The following FRMPD4 variants were observed in gnomAD, a reference collection of about 807,000 sequenced individuals.
The protein encoded by FRMPD4 is FERM and PDZ domain containing 4.
In FRMPD4, 22 loss-of-function variants were observed where a neutral mutation model predicts 94.1. That is an observed-to-expected ratio of 0.23 (90% CI 0.17 to 0.33). The LOEUF is 0.33. FRMPD4 is among the 10% of genes least tolerant of loss of function. FRMPD4 has a pLI of 1.00. For missense variants in FRMPD4, 1,111 were observed against 1,339.9 expected, an observed-to-expected ratio of 0.83 and a Z score of 2.67; for synonymous variants, 631 against 548.6, an observed-to-expected ratio of 1.15 and a Z score of -2.10.
chrX:12,437,357 CT>C lies in FRMPD4; in HGVS notation c.42-61318del, dbSNP rs754471755. Reference sequence around the variant, plus strand: ...ACACACACACACAAACACACACACACTTTTTCCAGGTAGTATTTATTTAGAT... The same window carrying C: ...ACACACACACACAAACACACACACACTTTTCCAGGTAGTATTTATTTAGAT... On this transcript the variant is annotated intron_variant, in intron 1 of 16. Coordinates refer to ENST00000675598, the MANE Select transcript of FRMPD4 (RefSeq NM_001368397.1). Among the ~76,000 whole-genome samples the C allele has an allele frequency of 8.1e-5, 9 of 111,621 alleles. No homozygotes were observed. In the East Asian group the frequency reaches 1.7e-3, roughly 21 times the overall value.
In FRMPD4 at chrX:11,978,321, CAAAAAAA is replaced by C. The variant is rs1172824155; in HGVS notation, c.95+100325_95+100331del. Among the ~76,000 whole-genome samples the C allele has an allele frequency of 3.7e-4, 6 of 16,355 alleles. No homozygotes were observed. In the Admixed American group the frequency reaches 4.2e-3, roughly 12 times the overall value. 14.2% of individuals were successfully genotyped at this position (16,355 alleles called of 115,157 possible). A position where few individuals can be genotyped will look rare whatever the true frequency, so the allele number is the denominator to read the frequency against. On this transcript the variant is annotated intron_variant, in intron 3 of 18. Coordinates refer to the FRMPD4 transcript ENST00000640291. ...TGGATGACAGAGTGAAACTCCATCT[CAAAAAAA>C]AAAAAAAAAAAAAAAAAAAAAGTTC... is the stretch of plus-strand genomic sequence containing the variant.
chrX:11,984,807 C>A (rs751129457), intron 3 of FRMPD4, among the ~76,000 whole-genome samples: 1 of 112,190 alleles, frequency 8.9e-6, no homozygotes, highest in Non-Finnish European at 1.9e-5. Flanking sequence ...CAATGGTCTA[C>A]TACCCAGAAT....
chrX:12,450,743 A>G (rs992131563), intron 1 of FRMPD4, among the ~76,000 whole-genome samples: 1 of 109,864 alleles, frequency 9.1e-6, no homozygotes, highest in Non-Finnish European at 1.9e-5. Context: ...TCAAATAAAC[A>G]TGTAACCATC....
At chrX:11,927,570 A>G (rs921180980) in intron 3 of FRMPD4, among the ~76,000 whole-genome samples, 1 of 111,797 alleles carries the variant, frequency 8.9e-6, no homozygotes, top group African/African-American at 3.3e-5. Context: ...AATGGAACAT[A>G]ATAGAGAACC....
At chrX:12,710,085 G>A (rs1056501508) in intron 13 of FRMPD4, among the ~76,000 whole-genome samples, 6 of 111,464 alleles carry the variant, frequency 5.4e-5, no homozygotes, top group African/African-American at 1.3e-4. Context: ...CCAAGTTCAC[G>A]CCACTGCACT....
chrX:12,447,423 T>C (rs1269285379), intron 1 of FRMPD4, among the ~76,000 whole-genome samples: 1 of 111,819 alleles, frequency 8.9e-6, no homozygotes, highest in Non-Finnish European at 1.9e-5. Flanking sequence ...CAGTCTAAAG[T>C]AATGAAGAGA....
chrX:12,476,770 A>G (rs946969733), intron 1 of FRMPD4, among the ~76,000 whole-genome samples: 3 of 111,618 alleles, frequency 2.7e-5, no homozygotes, highest in Admixed American at 9.5e-5. Flanking sequence ...ATGAGATACG[A>G]TCTCACACCA....
At chrX:12,634,395 T>C (rs964038322) in intron 4 of FRMPD4, among the ~76,000 whole-genome samples, 4 of 112,277 alleles carry the variant, frequency 3.6e-5, no homozygotes, top group Non-Finnish European at 7.5e-5. Flanking sequence ...GGTGTTTTCA[T>C]TTATATTTAA....
chrX:12,527,285 G>T (rs2058234135), intron 2 of FRMPD4, among the ~76,000 whole-genome samples: 1 of 111,237 alleles, frequency 9.0e-6, no homozygotes, highest in Non-Finnish European at 1.9e-5. Flanking sequence ...CTTTTTGGCT[G>T]AGTCCTCACC....
At chrX:12,399,846 T>G (rs1408213979) in intron 1 of FRMPD4, among the ~76,000 whole-genome samples, 1 of 111,225 alleles carries the variant, frequency 9.0e-6, no homozygotes, top group Non-Finnish European at 1.9e-5. Flanking sequence ...AGGGTCAACT[T>G]TATTCCAAAT....
At chrX:11,827,090 T>TATA (rs2053448512) in intron 1 of FRMPD4, among the ~76,000 whole-genome samples, 2 of 75,221 alleles carry the variant, frequency 2.7e-5, no homozygotes, top group Admixed American at 1.5e-4. Context: ...ATATATAAAA[T>TATA]ATATATGTTC....
At chrX:12,212,439 G>A (rs1374638700) in intron 1 of FRMPD4, among the ~76,000 whole-genome samples, 1 of 110,586 alleles carries the variant, frequency 9.0e-6, no homozygotes, top group Admixed American at 9.7e-5. Context: ...GCAGCATCTT[G>A]GCTCTGTAGT....
intron 14 of FRMPD4, among the ~76,000 whole-genome samples, chrX:12,714,360 C>T (rs2042041066): frequency 9.0e-6 from 1 of 111,535 alleles, no homozygotes; most frequent in Non-Finnish European, 1.9e-5. Flanking sequence ...CAGTGTCTGC[C>T]TCTGTCTTCA....
intron 2 of FRMPD4, among the ~76,000 whole-genome samples, chrX:12,569,570 T>A (rs2058742763): frequency 9.5e-6 from 1 of 105,388 alleles, no homozygotes; most frequent in East Asian, 2.9e-4. Flanking sequence ...TTAGAAAAAA[T>A]AGTTTTAAAA....
At chrX:12,150,967 A>G (rs2055842472) in intron 1 of FRMPD4, among the ~76,000 whole-genome samples, 1 of 111,981 alleles carries the variant, frequency 8.9e-6, no homozygotes, top group African/African-American at 3.2e-5. Flanking sequence ...GTGAAATACT[A>G]TACTAAGTGA....
intron 3 of FRMPD4, among the ~76,000 whole-genome samples, chrX:12,020,057 C>T (rs1470056450): frequency 8.9e-6 from 1 of 111,852 alleles, no homozygotes; most frequent in Admixed American, 9.5e-5. Flanking sequence ...AATTTGAACA[C>T]GTGACATCTA....
At chrX:11,874,712 A>C (rs1288033295) in intron 2 of FRMPD4, among the ~76,000 whole-genome samples, 2 of 112,022 alleles carry the variant, frequency 1.8e-5, no homozygotes, top group Non-Finnish European at 3.8e-5. Context: ...AGAGGTACAA[A>C]GTCCTTTAGA....
intron 3 of FRMPD4, among the ~76,000 whole-genome samples, chrX:12,110,061 C>T (rs1376823983): frequency 8.9e-6 from 1 of 112,367 alleles, no homozygotes; most frequent in African/African-American, 3.2e-5. Context: ...TCCTCCCTAA[C>T]TCATTTTATG....
At chrX:12,005,618 C>T (rs1387431861) in intron 3 of FRMPD4, among the ~76,000 whole-genome samples, 16 of 111,132 alleles carry the variant, frequency 1.4e-4, no homozygotes, top group Non-Finnish European at 2.3e-4. Context: ...AATCATCTTT[C>T]GACAGACATG....
Sources: gnomAD v4.1 joint callset for allele counts (sites outside exome capture counted in the v4.1 genomes callset) on GRCh38, gnomAD v4.1.1 for gene constraint, MANE v1.5 for transcripts, NCBI Gene and HGNC (gene_info 2026-07-23, HGNC 2026-07-21) for gene names.